MBNL3: variants seen among roughly 807,000 people sequenced by gnomAD.
MBNL3 encodes the protein muscleblind-like protein 3.
A neutral mutation model predicts 24.5 loss-of-function variants in MBNL3; 6 were observed. That is an observed-to-expected ratio of 0.25 (90% CI 0.13 to 0.48). The LOEUF is 0.48. MBNL3 is among the 20% of genes least tolerant of loss of function. The pLI is 0.99. For synonymous variants in MBNL3, 100 were observed against 101.7 expected (o/e 0.98, Z 0.10); for missense variants, 230 against 293.5 (o/e 0.78, Z 1.58).
intron 1 of MBNL3, among the ~76,000 whole-genome samples, chrX:132,482,517 G>A (rs962149209): frequency 3.6e-5 from 4 of 111,044 alleles, no homozygotes; most frequent in Non-Finnish European, 7.5e-5. Flanking sequence ...AAGTTTAGAG[G>A]CAGACATGGA....
At chrX:132,485,754 A>G (rs1342659945) in intron 1 of MBNL3, among the ~76,000 whole-genome samples, 1 of 112,656 alleles carries the variant, frequency 8.9e-6, no homozygotes, top group Non-Finnish European at 1.9e-5. Context: ...CTCTTTCAGG[A>G]AAAGTGTCCA....
chrX:132,428,532 A>C (rs757632949), intron 2 of MBNL3, among the ~76,000 whole-genome samples: 6 of 110,868 alleles, frequency 5.4e-5, no homozygotes, highest in Non-Finnish European at 1.1e-4. Flanking sequence ...AAAAACCATA[A>C]ATTTAAGAAA....
chrX:132,436,693 A>G lies in MBNL3; in HGVS notation c.177+2742T>C, dbSNP rs1945134637. 4.5e-5 allele frequency among the ~76,000 whole-genome samples: 5 copies of G among 112,289 alleles called. 1 individual carries two copies. The South Asian group carries it at 1.8e-3, about 41-fold the overall frequency. ...ATATTATAGATATGATACTAGCACA[A>G]TGCACATAGGTCAATTACCCTCAAC... is the stretch of plus-strand genomic sequence containing the variant. On this transcript the variant is annotated intron_variant, in intron 2 of 8. Coordinates refer to ENST00000370853, the MANE Select transcript of MBNL3 (RefSeq NM_001386889.1).
intron 2 of MBNL3, among the ~76,000 whole-genome samples, chrX:132,418,787 T>C (rs1338582144): frequency 8.9e-6 from 1 of 112,581 alleles, no homozygotes; most frequent in Non-Finnish European, 1.9e-5. Flanking sequence ...TTGTTTTGTT[T>C]TTTAAGATAG....
At chrX:132,463,362 TG>T (rs1403265059) in intron 1 of MBNL3, among the ~76,000 whole-genome samples, 1 of 111,661 alleles carries the variant, frequency 9.0e-6, no homozygotes, top group African/African-American at 3.3e-5. Flanking sequence ...CTCCGGAGGC[TG>T]AGGCAGGAGA....
At chrX:132,407,099 C>G (rs1325721324) in intron 2 of MBNL3, among the ~76,000 whole-genome samples, 1 of 111,999 alleles carries the variant, frequency 8.9e-6, no homozygotes, top group Admixed American at 9.4e-5. Context: ...GTTTGTTCAC[C>G]AAGTGTTTTC....
chrX:132,385,885 G>C (rs1935913003), intron 6 of MBNL3, among the ~76,000 whole-genome samples: 1 of 53,490 alleles, frequency 1.9e-5, no homozygotes, highest in Non-Finnish European at 3.3e-5. Flanking sequence ...ATTTACCATT[G>C]TGTCAAAAAA....
At chrX:132,483,899 A>G (rs924883893) in intron 1 of MBNL3, among the ~76,000 whole-genome samples, 1 of 112,447 alleles carries the variant, frequency 8.9e-6, no homozygotes, top group Non-Finnish European at 1.9e-5. Context: ...GACAGCTCCC[A>G]GTGTCCTTTT....
chrX:132,448,397 T>A lies in MBNL3; in HGVS notation c.-703-8083A>T, dbSNP rs751143292. Among the ~76,000 whole-genome samples, 3 of 112,112 alleles carry A rather than the reference T, an allele frequency of 2.7e-5. No individual in the cohort carries two copies. The South Asian group carries it at 1.1e-3, about 42-fold the overall frequency. On this transcript the variant is annotated intron_variant, in intron 1 of 8. Coordinates refer to ENST00000370853, the MANE Select transcript of MBNL3 (RefSeq NM_001386889.1). Reference sequence around the variant, plus strand: ...GAGGGTGCATGTGTCCAGGAATTTATCCATTTCTTCTAGATTTTCTAGTTG... The same window carrying A: ...GAGGGTGCATGTGTCCAGGAATTTAACCATTTCTTCTAGATTTTCTAGTTG...
intron 2 of MBNL3, among the ~76,000 whole-genome samples, chrX:132,411,887 T>A (rs767337583): frequency 9.0e-6 from 1 of 111,528 alleles, no homozygotes; most frequent in Admixed American, 9.5e-5. Flanking sequence ...TGTTGAAGTT[T>A]GTGAGAATAA....
intron 1 of MBNL3, among the ~76,000 whole-genome samples, chrX:132,480,509 G>A (rs1300515223): frequency 9.0e-6 from 1 of 111,607 alleles, no homozygotes; most frequent in Non-Finnish European, 1.9e-5. Context: ...TTGGACCATC[G>A]ACCTATAGGA....
In MBNL3 at chrX:132,391,143, TTTTA is replaced by T. The variant is rs1276942515; in HGVS notation, c.535-64_535-61del. The T allele has an allele frequency of 2.0e-5, 17 of 858,436 alleles. 1 individual carries two copies. Among genetic ancestry groups the T allele is most frequent in the African/African-American group, 7.9e-5 (4 of 50,361 alleles). The allele number at this position is 858,436 out of a possible 1,213,427, so 70.7% of individuals were successfully genotyped here. Reference sequence around the variant, plus strand: ...CACTGATGACTGGAAGCTGACTGGCTTTTATTTATTTTGCTAGTGAATGTAACAG... The same window carrying T: ...CACTGATGACTGGAAGCTGACTGGCTTTTATTTTGCTAGTGAATGTAACAG... On this transcript the variant is annotated intron_variant, in intron 4 of 8. Transcript: ENST00000370853.
intron 1 of MBNL3, among the ~76,000 whole-genome samples, chrX:132,485,300 C>G (rs193137324): frequency 4.5e-5 from 5 of 111,419 alleles, no homozygotes; most frequent in Non-Finnish European, 9.4e-5. Context: ...TTTGGAAGTC[C>G]CATTATTTCT....
intron 5 of MBNL3, among the ~76,000 whole-genome samples, chrX:132,387,274 G>GAA (rs1230246022): frequency 1.3e-3 from 29 of 22,634 alleles, no homozygotes; most frequent in Non-Finnish European, 1.6e-3. Flanking sequence ...CCTGTCTCAA[G>GAA]AAAAAAAAAA....
At chrX:132,479,805 T>TC (rs941793772) in intron 1 of MBNL3, among the ~76,000 whole-genome samples, 3 of 110,401 alleles carry the variant, frequency 2.7e-5, no homozygotes, top group Non-Finnish European at 5.7e-5. Flanking sequence ...ACCCCTGCCA[T>TC]CCCCCCACCA....
At chrX:132,437,773 T>C (rs1412272860) in intron 2 of MBNL3, 2 of 161,987 alleles carry the variant, frequency 1.2e-5, no homozygotes, top group Non-Finnish European at 2.0e-5. Flanking sequence ...CAGATTTAAA[T>C]AATACACAAA....
At chrX:132,424,188 CT>C (rs1290365987) in intron 2 of MBNL3, among the ~76,000 whole-genome samples, 1 of 111,911 alleles carries the variant, frequency 8.9e-6, no homozygotes, top group African/African-American at 3.2e-5. Flanking sequence ...CTCCTGTAGC[CT>C]GATAAAAGAA....
At chrX:132,404,419 C>T (rs1161889513) in intron 3 of MBNL3, among the ~76,000 whole-genome samples, 1 of 111,790 alleles carries the variant, frequency 8.9e-6, no homozygotes, top group Non-Finnish European at 1.9e-5. Flanking sequence ...GACTGAGATA[C>T]GTCAGTATGT....
At chrX:132,446,337 T>C (rs936610516) in intron 1 of MBNL3, among the ~76,000 whole-genome samples, 4 of 111,762 alleles carry the variant, frequency 3.6e-5, no homozygotes, top group Non-Finnish European at 7.5e-5. Context: ...GGTCAAATGG[T>C]ATTTCTGGTT....
Sources: gnomAD v4.1 joint callset for allele counts (sites outside exome capture counted in the v4.1 genomes callset) on GRCh38, gnomAD v4.1.1 for gene constraint, MANE v1.5 for transcripts, NCBI Gene and HGNC (gene_info 2026-07-23, HGNC 2026-07-21) for gene names.